RAC2: variants seen among roughly 807,000 people sequenced by gnomAD.
RAC2 encodes ras-related C3 botulinum toxin substrate 2.
RAC2 carries 1 observed loss-of-function variant against 24.0 expected under a neutral mutation model. The observed-to-expected ratio is 0.04, with a 90% CI of 0.01 to 0.20. RAC2 has a LOEUF of 0.20. Ranked by LOEUF, RAC2 falls within the 10% of genes least tolerant of loss-of-function variation. The pLI is 1.00. For missense variants in RAC2, 130 were observed against 259.1 expected (o/e 0.50, Z 3.42); for synonymous variants, 114 against 106.8 (o/e 1.07, Z -0.41).
intron 2 of RAC2, chr22:37,241,260 C>T: frequency 1.4e-6 from 1 of 710,844 alleles, no homozygotes; most frequent in Admixed American, 1.9e-5. Context: ...CCTCCAGCAG[C>T]CTGCTTCCGC....
chr22:37,227,821 C>T (rs1178392895), intron 5 of RAC2, among the ~76,000 whole-genome samples: 1 of 151,978 alleles, frequency 6.6e-6, no homozygotes, highest in African/African-American at 2.4e-5. Flanking sequence ...GCCTCAGTTT[C>T]CTCATGTCTG....
chr22:37,238,340 G>T (rs56338712), intron 2 of RAC2, among the ~76,000 whole-genome samples: 2 of 152,142 alleles, frequency 1.3e-5, no homozygotes, highest in Admixed American at 6.5e-5. Flanking sequence ...AGGCTCAAGC[G>T]ATCCTCCCAC....
intron 2 of RAC2, among the ~76,000 whole-genome samples, chr22:37,240,086 T>C (rs1366157450): frequency 6.6e-6 from 1 of 152,098 alleles, no homozygotes; most frequent in Non-Finnish European, 1.5e-5. Context: ...GGCCAGGGCA[T>C]CTAAGGCAGC....
At chr22:37,234,081 C>T (rs565064594) in intron 2 of RAC2, among the ~76,000 whole-genome samples, 3 of 152,296 alleles carry the variant, frequency 2.0e-5, no homozygotes, top group South Asian at 4.1e-4. Context: ...GGCCATCGAA[C>T]GAGCCTCCAG....
chr22:37,234,905 G>A lies in RAC2; in HGVS notation c.108-1987C>T, dbSNP rs1449572202. 5.3e-5 allele frequency among the ~76,000 whole-genome samples: 8 copies of A among 152,222 alleles called. No homozygotes were observed. The East Asian group carries it at 5.8e-4, about 11-fold the overall frequency. ...AAGTCCTCCTCTCTGGCGGAGCTTC[G>A]TCGTCCTCTACCTGTAAAGAGCCCA... is the stretch of plus-strand genomic sequence containing the variant. On this transcript the variant is annotated intron_variant, in intron 2 of 6. Coordinates refer to ENST00000249071, the MANE Select transcript of RAC2 (RefSeq NM_002872.5).
At chr22:37,236,137 G>A (rs1238442514) in intron 2 of RAC2, among the ~76,000 whole-genome samples, 2 of 152,192 alleles carry the variant, frequency 1.3e-5, no homozygotes, top group Non-Finnish European at 2.9e-5. Flanking sequence ...TTAATGTGGA[G>A]GGGAAAATAC....
chr22:37,241,731 C>T (rs554019235), intron 1 of RAC2, 73 bp from the exon 2 acceptor site: 1 of 1,402,012 alleles, frequency 7.1e-7, no homozygotes, highest in Non-Finnish European at 1.0e-6. Context: ...TCTGCCTGGT[C>T]CTCTGCAAAG....
At position 37,236,026 on chromosome 22, in the gene RAC2, C is replaced by T. The variant is rs79443032; in HGVS notation, c.108-3108G>A. On this transcript the variant is annotated intron_variant, in intron 2 of 6. Coordinates refer to ENST00000249071, the MANE Select transcript of RAC2 (RefSeq NM_002872.5). ...AACTGAGGCCTGAAGAGGTCAAGGA[C>T]CTTTCTTGTTGGGCGGGAACACAGA... Among the ~76,000 whole-genome samples the T allele has an allele frequency of 3.3e-5, 5 of 152,308 alleles. 1 individual carries two copies. In the South Asian group the frequency reaches 1.0e-3, roughly 32 times the overall value.
chr22:37,231,795 G>T lies in RAC2; in HGVS notation c.288+137C>A. The stretch of plus-strand genomic sequence containing the variant: ...CTTACCCCCTCAAGTCCCTCTGCCA[G>T]CCCTGGTTGGCACTGGGGACCCTCT... On this transcript the variant is annotated intron_variant, in intron 4 of 6. Coordinates refer to ENST00000249071, the MANE Select transcript of RAC2 (RefSeq NM_002872.5). The surrounding 1 kb of genome is among the most constrained non-coding windows in gnomAD (Gnocchi z 5.5). The T allele has an allele frequency of 2.9e-6, 3 of 1,018,094 alleles. No homozygotes were observed. The highest frequency in any genetic ancestry group is 4.4e-6 in the Non-Finnish European group (3 of 679,618). The allele number at this position is 1,018,094 out of a possible 1,614,324, so 63.1% of individuals were successfully genotyped here. A position where few individuals can be genotyped will look rare whatever the true frequency, so the allele number is the denominator to read the frequency against.
Position 37,237,309 on chromosome 22 carries a change from C to T in RAC2, c.107+4278G>A, listed in dbSNP as rs578129660. On this transcript the variant is annotated intron_variant, in intron 2 of 6. Transcript: ENST00000249071. ...AGAGGGGAACAGAGGGGGAAACTGG[C>T]ACATCAGCCAGGAGGGGAGGCCCTT... Among the ~76,000 whole-genome samples, 85 of 151,624 alleles carry T rather than the reference C, an allele frequency of 5.6e-4. 1 individual carries two copies. The highest frequency in any genetic ancestry group is 2.0e-3 in the African/African-American group (83 of 41,288).
At chr22:37,241,125 C>G (rs566582331) in intron 2 of RAC2, 7 of 778,410 alleles carry the variant, frequency 9.0e-6, no homozygotes, top group Admixed American at 6.8e-5. Context: ...CGATGACAGC[C>G]CTGCCTCCGC....
Position 37,230,434 on chromosome 22 carries a change from A to C in RAC2, c.448+797T>G, listed in dbSNP as rs531760772. Among the ~76,000 whole-genome samples, 4 of 152,086 alleles carry C rather than the reference A, an allele frequency of 2.6e-5. No individual in the cohort carries two copies. The East Asian group carries it at 7.7e-4, about 29-fold the overall frequency. On this transcript the variant is annotated intron_variant, in intron 5 of 6. Coordinates refer to ENST00000249071, the MANE Select transcript of RAC2 (RefSeq NM_002872.5). ...GCAAGGATCCCTGAGCTACAGACACATTGGGACCTACCAGGGACAGGGACA... is the reference window on the plus strand; with the variant it reads ...GCAAGGATCCCTGAGCTACAGACACCTTGGGACCTACCAGGGACAGGGACA...
chr22:37,233,063 G>A (rs1388989181), intron 2 of RAC2, 145 bp from the exon 3 acceptor site: 2 of 693,688 alleles, frequency 2.9e-6, no homozygotes, highest in African/African-American at 3.5e-5. Context: ...TTTGCAATTG[G>A]GTTTCTTTAT....
intron 2 of RAC2, among the ~76,000 whole-genome samples, chr22:37,239,340 C>G (rs2145829710): frequency 6.6e-6 from 1 of 152,288 alleles, no homozygotes; most frequent in South Asian, 2.1e-4. Context: ...GGTGCAGGAC[C>G]CTTCTGAGCA....
chr22:37,226,410 C>T (rs1189338342), intron 6 of RAC2, among the ~76,000 whole-genome samples: 1 of 152,042 alleles, frequency 6.6e-6, no homozygotes, highest in East Asian at 1.9e-4. Context: ...CAGAGTGGGG[C>T]TCCGTGACAC....
At chr22:37,237,424 G>A (rs1421905482) in intron 2 of RAC2, among the ~76,000 whole-genome samples, 1 of 152,060 alleles carries the variant, frequency 6.6e-6, no homozygotes, top group African/African-American at 2.4e-5. Context: ...CCCAACAGAA[G>A]GGGTGCCTGA....
chr22:37,232,996 A>T (rs1433524724), intron 2 of RAC2, 78 bp from the exon 3 acceptor site: 15 of 1,112,062 alleles, frequency 1.3e-5, no homozygotes, highest in Non-Finnish European at 2.1e-5. Context: ...GCTCCATGTC[A>T]TTCCTCGGAG....
At chr22:37,240,206 C>A (rs1299966430) in intron 2 of RAC2, among the ~76,000 whole-genome samples, 1 of 152,162 alleles carries the variant, frequency 6.6e-6, no homozygotes, top group East Asian at 1.9e-4. Context: ...GGAAGCATCT[C>A]GGCTCCAGGC....
intron 1 of RAC2, among the ~76,000 whole-genome samples, chr22:37,243,048 G>A (rs1423972517): frequency 1.3e-5 from 2 of 152,158 alleles, no homozygotes; most frequent in East Asian, 1.9e-4. Context: ...CACCCAGGCT[G>A]ACTGCAGTGG....
Sources: gnomAD v4.1 joint callset for allele counts (sites outside exome capture counted in the v4.1 genomes callset) on GRCh38, gnomAD v4.1.1 for gene constraint, Gnocchi (gnomAD v3.1) non-coding constraint, MANE v1.5 for transcripts, NCBI Gene and HGNC (gene_info 2026-07-23, HGNC 2026-07-21) for gene names.